GREM2: variants seen among roughly 807,000 people sequenced by gnomAD.
GREM2 encodes gremlin 2, DAN family BMP antagonist, also known as gremlin-2.
Under a neutral mutation model 14.2 loss-of-function variants are expected in GREM2, and 11 were observed. The ratio of observed to expected loss-of-function variants is 0.78; its 90% confidence interval spans 0.49 to 1.28. The LOEUF is 1.28. Among genes scored for constraint, GREM2 ranks in the 50% most tolerant of loss-of-function variants. The pLI, the probability that GREM2 is intolerant of heterozygous loss-of-function variation, is 0.00. For missense variants in GREM2, 210 were observed against 218.5 expected, an observed-to-expected ratio of 0.96 and a Z score of 0.24; for synonymous variants, 98 against 97.6, an observed-to-expected ratio of 1.00 and a Z score of -0.02.
intron 1 of GREM2, among the ~76,000 whole-genome samples, chr1:240,518,495 C>T (rs1214951349): frequency 6.6e-6 from 1 of 152,114 alleles, no homozygotes; most frequent in Non-Finnish European, 1.5e-5. Flanking sequence ...AAATTTTAAA[C>T]AGAAAATACA....
chr1:240,555,422 T>C (rs948537814), intron 1 of GREM2, among the ~76,000 whole-genome samples: 1 of 152,216 alleles, frequency 6.6e-6, no homozygotes, highest in Non-Finnish European at 1.5e-5. Flanking sequence ...AAGCATTAGC[T>C]ACGATTATTG....
chr1:240,544,049 G>A (rs547167997), intron 1 of GREM2, among the ~76,000 whole-genome samples: 7 of 152,002 alleles, frequency 4.6e-5, no homozygotes, highest in African/African-American at 9.6e-5. Context: ...GAATCCACAC[G>A]AATGAAGTGA....
At chr1:240,499,428 T>C (rs1196931197) in intron 1 of GREM2, among the ~76,000 whole-genome samples, 1 of 152,170 alleles carries the variant, frequency 6.6e-6, no homozygotes, top group African/African-American at 2.4e-5. Context: ...TGAATACTGA[T>C]AGGCACATCT....
intron 1 of GREM2, among the ~76,000 whole-genome samples, chr1:240,498,743 G>A (rs996272122): frequency 6.6e-6 from 1 of 152,208 alleles, no homozygotes; most frequent in African/African-American, 2.4e-5. Flanking sequence ...TTTCAGGAAT[G>A]TTGCCACCCC....
intron 1 of GREM2, among the ~76,000 whole-genome samples, chr1:240,502,899 C>T (rs892211498): frequency 2.0e-5 from 3 of 152,148 alleles, no homozygotes; most frequent in Admixed American, 1.3e-4. Context: ...TCCTTGCAAG[C>T]GACTGATTTA....
intron 1 of GREM2, among the ~76,000 whole-genome samples, chr1:240,514,247 CAAAAAAAAA>C (rs34702912): frequency 1.2e-5 from 1 of 80,282 alleles, no homozygotes; most frequent in Non-Finnish European, 2.4e-5. Flanking sequence ...GATTCCATCT[CAAAAAAAAA>C]AAAAAAAAAA....
intron 1 of GREM2, among the ~76,000 whole-genome samples, chr1:240,514,242 C>G (rs1356065413): frequency 1.2e-5 from 1 of 80,684 alleles, no homozygotes; most frequent in African/African-American, 5.4e-5. Flanking sequence ...AGCGAGATTC[C>G]ATCTCAAAAA....
chr1:240,537,641 C>G lies in GREM2; in HGVS notation c.-1-44165G>C, dbSNP rs191409746. Among the ~76,000 whole-genome samples, 1,149 of 152,094 alleles carry G rather than the reference C, an allele frequency of 7.6e-3. 10 individuals are homozygous for G. Among genetic ancestry groups the G allele is most frequent in the Non-Finnish European group, 7.8e-3 (533 of 67,994 alleles). On this transcript the variant is annotated intron_variant, in intron 1 of 1. Transcript: ENST00000318160. ...GTCTACTAAAAATACAAAAGTTAGC[C>G]GAGCATGGTGGCGCGTGCCTGTAAT... is the stretch of plus-strand genomic sequence containing the variant.
At chr1:240,572,421 A>C (rs2103365035) in intron 1 of GREM2, among the ~76,000 whole-genome samples, 1 of 152,314 alleles carries the variant, frequency 6.6e-6, no homozygotes, top group Non-Finnish European at 1.5e-5. Context: ...GACTTTTCTA[A>C]GCCTTACTTG....
At chr1:240,498,483 CCTA>C (rs2103274258) in intron 1 of GREM2, among the ~76,000 whole-genome samples, 1 of 152,286 alleles carries the variant, frequency 6.6e-6, no homozygotes, top group African/African-American at 2.4e-5. Context: ...GCTGTATCCT[CCTA>C]CTTCAGAGCA....
chr1:240,506,408 G>T (rs574918208), intron 1 of GREM2, among the ~76,000 whole-genome samples: 2 of 152,084 alleles, frequency 1.3e-5, no homozygotes, highest in Non-Finnish European at 2.9e-5. Flanking sequence ...GTCTGGTTTC[G>T]TCGGTGTTAA....
intron 1 of GREM2, among the ~76,000 whole-genome samples, chr1:240,575,422 AGGG>A (rs1679348895): frequency 1.3e-5 from 2 of 152,172 alleles, no homozygotes; most frequent in Non-Finnish European, 1.5e-5. Flanking sequence ...TCACTATGTA[AGGG>A]TAACTCTTAC....
chr1:240,517,179 T>C (rs1331961190), intron 1 of GREM2, among the ~76,000 whole-genome samples: 1 of 152,250 alleles, frequency 6.6e-6, no homozygotes, highest in East Asian at 1.9e-4. Flanking sequence ...CCACTATTTT[T>C]AAGAACCAGA....
At chr1:240,585,424 T>A (rs1327466726) in intron 1 of GREM2, among the ~76,000 whole-genome samples, 1 of 151,966 alleles carries the variant, frequency 6.6e-6, no homozygotes, top group East Asian at 1.9e-4. Flanking sequence ...GACTGCAGTC[T>A]CGGGATTAAA....
At chr1:240,562,721 G>GTC (rs920778596) in intron 1 of GREM2, among the ~76,000 whole-genome samples, 11 of 151,754 alleles carry the variant, frequency 7.2e-5, no homozygotes, top group African/African-American at 2.4e-4. Flanking sequence ...GTGTGTGTGT[G>GTC]TGTGTATGTG....
rs1253239355 is a variant in GREM2, at chr1:240,493,444, A to C, written c.32T>G (p.Leu11Arg). The change falls in exon 2 of 2, where the codon CTG becomes CGG. Residue 11 changes from leucine to arginine, a missense_variant. Leu to Arg is a moderately radical substitution (Grantham distance 102). Transcript: ENST00000318160. ...CGCCACCTTCACCAGCACCGCCACC[A>C]GGAACAAGGACAGGGAAAGCTTCCA... Reference protein sequence around the residue: MFWKLSLSLFLVAVLVKVAEA... With the variant: MFWKLSLSLFRVAVLVKVAEA... 6.2e-7 allele frequency: 1 copy of C among 1,610,672 alleles called. No homozygotes were observed. The highest frequency in any genetic ancestry group is 1.7e-5 in the Admixed American group (1 of 59,702).
chr1:240,582,414 A>G (rs552377228), intron 1 of GREM2, among the ~76,000 whole-genome samples: 64 of 146,426 alleles, frequency 4.4e-4, no homozygotes, highest in African/African-American at 1.6e-3. Context: ...CAGCCTGGGC[A>G]ACAAGAGTGA....
intron 1 of GREM2, among the ~76,000 whole-genome samples, chr1:240,582,561 C>T (rs371781855): frequency 1.3e-5 from 2 of 151,934 alleles, no homozygotes; most frequent in Admixed American, 6.6e-5. Context: ...TTTGGGAGGC[C>T]GAGACAGGTG....
intron 1 of GREM2, among the ~76,000 whole-genome samples, chr1:240,523,656 G>GTTTTA (rs976994889): frequency 2.6e-5 from 4 of 151,554 alleles, no homozygotes; most frequent in African/African-American, 4.8e-5. Context: ...TTTTTGTTTT[G>GTTTTA]TTTTGTTTTG....
Sources: allele counts gnomAD v4.1 joint callset (sites outside exome capture counted in the v4.1 genomes callset), GRCh38; gene constraint gnomAD v4.1.1; transcripts MANE v1.5; gene names NCBI Gene and HGNC (gene_info 2026-07-23, HGNC 2026-07-21).